Variants in CKMT1A observed in about 807,000 individuals in gnomAD.
The protein encoded by CKMT1A is creatine kinase, mitochondrial 1A.
A neutral mutation model predicts 21.8 loss-of-function variants in CKMT1A; 23 were observed. That is an observed-to-expected ratio of 1.05 (90% confidence interval 0.76 to 1.49). The LOEUF (loss-of-function observed/expected upper bound fraction) is 1.49, where lower values mean the gene tolerates loss of function less well. CKMT1A is among the 40% of genes most tolerant of loss of function. CKMT1A has a pLI of 0.00. For missense variants in CKMT1A, 154 were observed against 229.4 expected (o/e 0.67, Z 2.12); for synonymous variants, 67 against 80.4 (o/e 0.83, Z 0.89).
At chr15:43,697,866 T>C (rs1199600997) in intron 6 of CKMT1A, 148 bp from the exon 7 acceptor site, 1 of 1,479,782 alleles carries the variant, frequency 6.8e-7, no homozygotes, top group South Asian at 1.5e-5. Context: ...CAAACCTTTT[T>C]CATTTAAAAA....
At chr15:43,696,486 T>A in intron 6 of CKMT1A, 123 bp downstream of exon 6, 1 of 1,481,562 alleles carries the variant, frequency 6.7e-7, no homozygotes, top group South Asian at 1.2e-5. Context: ...AAGGACTACC[T>A]AGGACTCACT....
Position 43,698,795 on chromosome 15 carries a change from G to C in CKMT1A, c.1137+29G>C, listed in dbSNP as rs372581991. The C allele has an allele frequency of 2.7e-5, 43 of 1,613,332 alleles. No homozygotes were observed. The African/African-American group carries it at 5.6e-4, about 21-fold the overall frequency. On this transcript the variant is annotated intron_variant, in intron 8 of 8. Transcript: ENST00000413453. ...AGATCCTAAGGGATTAGGATGAGGA[G>C]AGGTATAGGTCTGTGGGGGCTGAAA...
At chr15:43,697,233 C>G in intron 6 of CKMT1A, 1 of 1,224,554 alleles carries the variant, frequency 8.2e-7, no homozygotes, top group South Asian at 1.5e-5. Flanking sequence ...AGGTAAAGTA[C>G]TTGGTCCACA....
In CKMT1A at chr15:43,697,994, T is replaced by C. The variant is rs746942676; in HGVS notation, c.877-20T>C. The C allele has an allele frequency of 5.0e-6, 8 of 1,613,646 alleles. No homozygotes were observed. The highest frequency in any genetic ancestry group is 2.2e-5 in the East Asian group (1 of 44,876). On this transcript the variant is annotated intron_variant, in intron 6 of 8. Coordinates refer to ENST00000413453, the MANE Select transcript of CKMT1A (RefSeq NM_001321926.2). ...TGAAATATCCCTGATTTTTCATTAA[T>C]AAAAACTTTGTGGACTCAGGTGGAG...
chr15:43,697,860 C>G (rs973435381), intron 6 of CKMT1A, 154 bp from the exon 7 acceptor site: 10 of 982,254 alleles, frequency 1.0e-5, no homozygotes, highest in Non-Finnish European at 1.2e-5. Flanking sequence ...CAATAACAAA[C>G]CTTTTTCATT....
At chr15:43,697,543 T>C in intron 6 of CKMT1A, 1 of 984,834 alleles carries the variant, frequency 1.0e-6, no homozygotes, top group Non-Finnish European at 1.2e-6. Flanking sequence ...TTCTCTGCAT[T>C]CACACAGGTG....
At chr15:43,696,516 C>T in intron 6 of CKMT1A, 153 bp downstream of exon 6, 3 of 1,181,594 alleles carry the variant, frequency 2.5e-6, no homozygotes, top group Non-Finnish European at 2.4e-6. Flanking sequence ...AAGGTATAAA[C>T]CAGCTGGGAC....
chr15:43,699,202 A>G lies in CKMT1A; in HGVS notation c.*113A>G, dbSNP rs2086504667. On this transcript the variant is annotated 3_prime_UTR_variant, in exon 9 of 9. Coordinates refer to ENST00000413453, the MANE Select transcript of CKMT1A (RefSeq NM_001321926.2). ...CGCATCCCCTGCCTCCATCCTAGTA[A>G]AGACTCCTTGCTATGCTGCAGCTGT... The G allele has an allele frequency of 1.3e-5, 20 of 1,539,990 alleles. No individual in the cohort carries two copies. The highest frequency in any genetic ancestry group is 1.7e-5 in the Non-Finnish European group (19 of 1,125,618).
At chr15:43,698,286 T>A in intron 7 of CKMT1A, 138 bp downstream of exon 7, 1 of 1,307,950 alleles carries the variant, frequency 7.6e-7, no homozygotes, top group East Asian at 2.4e-5. Flanking sequence ...CAGTGGCTCA[T>A]GCCTCTAATC....
In CKMT1A at chr15:43,697,319, C is replaced by T. The variant is rs188273383; in HGVS notation, c.877-695C>T. On this transcript the variant is annotated intron_variant, in intron 6 of 8. Transcript: ENST00000413453. The stretch of plus-strand genomic sequence containing the variant: ...GAAGAGTTTCCCCCCATGTTCAGCA[C>T]ATAAGATATCCCTGGTGGCATGGTT... The T allele has an allele frequency of 1.6e-4, 202 of 1,273,724 alleles. 3 individuals carry two copies. In the African/African-American group the frequency reaches 2.0e-3, roughly 13 times the overall value. 78.9% of individuals were successfully genotyped at this position (1,273,724 alleles called of 1,614,324 possible). A position where few individuals can be genotyped will look rare whatever the true frequency, so the allele number is the denominator to read the frequency against.
Position 43,698,996 on chromosome 15 carries a change from C to T in CKMT1A, c.1161C>T (p.Ile387=), listed in dbSNP as rs776393789. The T allele has an allele frequency of 5.0e-5, 80 of 1,613,344 alleles. 1 individual carries two copies. Among genetic ancestry groups the T allele is most frequent in the Middle Eastern group, 1.6e-4 (1 of 6,084 alleles). The change falls in exon 9 of 9, where the codon ATC becomes ATT. Residue 387 remains isoleucine (I), a synonymous_variant. Transcript: ENST00000413453. ...KSEVELVQLV[I]DGVNYLIDCE... is the part of the protein sequence containing the mutation. ...AGGTGGAGCTGGTGCAACTGGTCAT[C>T]GATGGAGTAAACTATTTGATTGATT...
In CKMT1A at chr15:43,698,117, G is replaced by T; in HGVS notation, c.980G>T (p.Gly327Val). The T allele has an allele frequency of 3.1e-6, 5 of 1,612,566 alleles. No individual in the cohort carries two copies. Among genetic ancestry groups the T allele is most frequent in the Non-Finnish European group, 4.2e-6 (5 of 1,178,836 alleles). ...PSNLGTGLRA[G>V]VHIKLPLLSK... is the part of the protein sequence containing the mutation. ...AACCTGGGCACTGGACTTCGGGCAG[G>T]AGTGCACATCAAACTGCCCCTGCTA... Residue 327 changes from glycine to valine, a missense_variant, in exon 7 of 9, where the codon GGA becomes GTA. Transcript: ENST00000413453.
chr15:43,698,853 T>C (rs1247081246), intron 8 of CKMT1A, 87 bp downstream of exon 8: 8 of 1,604,278 alleles, frequency 5.0e-6, no homozygotes, highest in Non-Finnish European at 6.8e-6. Flanking sequence ...GGATGTAACA[T>C]AATCTGAAAT....
chr15:43,696,586 C>T (rs988454630), intron 6 of CKMT1A: 7 of 696,184 alleles, frequency 1.0e-5, no homozygotes, highest in Non-Finnish European at 1.4e-5. Context: ...TGTCAGGAAC[C>T]TTAGAAAGTG....
Position 43,696,128 on chromosome 15 carries a change from T to G in CKMT1A, c.752+4T>G, listed in dbSNP as rs1238094546. On this transcript the variant is annotated splice_donor_region_variant and intron_variant, in intron 5 of 8. Coordinates refer to ENST00000413453, the MANE Select transcript of CKMT1A (RefSeq NM_001321926.2). Reference sequence around the variant, plus strand: ...GGCCAGATGCTCGTGGAATTTGGTATGAAGCTGCTCATTACCTCTTTTGTC... The same window carrying G: ...GGCCAGATGCTCGTGGAATTTGGTAGGAAGCTGCTCATTACCTCTTTTGTC... The G allele has an allele frequency of 1.2e-6, 1 of 860,374 alleles. No individual in the cohort carries two copies. The highest frequency in any genetic ancestry group is 1.7e-5 in the South Asian group (1 of 58,530). 53.3% of individuals were successfully genotyped at this position (860,374 alleles called of 1,614,324 possible).
chr15:43,697,374 C>T (rs2086463341), intron 6 of CKMT1A: 2 of 984,700 alleles, frequency 2.0e-6, no homozygotes, highest in Non-Finnish European at 2.4e-6. Flanking sequence ...GATCCCTTTA[C>T]TCATGTTGGA....
intron 6 of CKMT1A, chr15:43,697,139 T>C: frequency 1.1e-6 from 1 of 938,386 alleles, no homozygotes; most frequent in African/African-American, 1.7e-5. Flanking sequence ...ACCTTTAAAT[T>C]ATATGCCTCA....
At chr15:43,698,847 G>C in intron 8 of CKMT1A, 81 bp downstream of exon 8, 1 of 1,605,568 alleles carries the variant, frequency 6.2e-7, no homozygotes, top group Non-Finnish European at 8.5e-7. Flanking sequence ...CCTCCGGGAT[G>C]TAACATAATC....
Position 43,695,899 on chromosome 15 carries a change from A to T in CKMT1A, c.656A>T (p.Gln219Leu). 1 of 242,486 alleles carries T rather than the reference A, an allele frequency of 4.1e-6. No individual in the cohort carries two copies. The highest frequency in any genetic ancestry group is 7.2e-6 in the Non-Finnish European group (1 of 139,676). 15.0% of individuals were successfully genotyped at this position (242,486 alleles called of 1,614,324 possible). The stretch of plus-strand genomic sequence containing the variant: ...GAGATGACAGAGGCTGAACAGCAGC[A>T]GCTTATTGATGTGAGGGCCTTAAGA... ...LSEMTEAEQQ[Q>L]LIDDHFLFDK... is the part of the protein sequence containing the mutation. Residue 219 changes from glutamine to leucine, a missense_variant, in exon 4 of 9, where the codon CAG becomes CTG. Gln to Leu is a moderately radical substitution (Grantham distance 113, BLOSUM62 -2). Coordinates refer to ENST00000413453, the MANE Select transcript of CKMT1A (RefSeq NM_001321926.2).
Sources: gnomAD v4.1 joint callset for allele counts on GRCh38, gnomAD v4.1.1 for gene constraint, MANE v1.5 for transcripts, NCBI Gene and HGNC (gene_info 2026-07-23, HGNC 2026-07-21) for gene names.